Variants in RNMT observed in about 807,000 individuals in gnomAD.
The protein encoded by RNMT is RNA guanine-7 methyltransferase, also known as mRNA cap guanine-N(7) methyltransferase.
In RNMT, 27 loss-of-function variants were observed where a neutral mutation model predicts 56.0. The observed-to-expected ratio is 0.48, with a 90% CI of 0.36 to 0.67. RNMT has a LOEUF of 0.67. Ranked by LOEUF, RNMT falls within the 30% of genes least tolerant of loss-of-function variation. RNMT has a pLI of 0.00. For synonymous variants in RNMT, 184 were observed against 176.2 expected (o/e 1.04, Z -0.35); for missense variants, 519 against 552.1 (o/e 0.94, Z 0.60).
Position 13,760,258 on chromosome 18 carries a change from T to C in RNMT, c.*279T>C. 1 of 1,134,832 alleles carries C rather than the reference T, an allele frequency of 8.8e-7. No individual in the cohort carries two copies. The highest frequency in any genetic ancestry group is 1.1e-6 in the Non-Finnish European group (1 of 925,148). 70.3% of individuals were successfully genotyped at this position (1,134,832 alleles called of 1,614,324 possible). A position where few individuals can be genotyped will look rare whatever the true frequency, so the allele number is the denominator to read the frequency against. ...CCTCTATGATCTTAGCTCATAAAAATATAATATGACTTGATAAAGCAACTA... is the reference window on the plus strand; with the variant it reads ...CCTCTATGATCTTAGCTCATAAAAACATAATATGACTTGATAAAGCAACTA... On this transcript the variant is annotated 3_prime_UTR_variant, in exon 12 of 12. Coordinates refer to ENST00000383314, the MANE Select transcript of RNMT (RefSeq NM_003799.3).
intron 2 of RNMT, 136 bp from the exon 3 acceptor site, chr18:13,731,340 G>A (rs1405647762): frequency 1.8e-5 from 8 of 434,108 alleles, no homozygotes; most frequent in African/African-American, 6.1e-5. Flanking sequence ...CCCCAGAGGC[G>A]GAGCTTGCAG....
rs201093998 is a variant in RNMT, at chr18:13,744,159, C to CTTTTTTTTTTTTTTTTTTT, written c.1139+1515_1139+1533dup. Among the ~76,000 whole-genome samples, 64 of 91,402 alleles carry CTTTTTTTTTTTTTTTTTTT rather than the reference C, an allele frequency of 7.0e-4. 9 individuals are homozygous for CTTTTTTTTTTTTTTTTTTT. Among genetic ancestry groups the CTTTTTTTTTTTTTTTTTTT allele is most frequent in the Non-Finnish European group, 9.0e-4 (41 of 45,810 alleles). The allele number at this position is 91,402 out of a possible 152,430, so 60.0% of individuals were successfully genotyped here. A position where few individuals can be genotyped will look rare whatever the true frequency, so the allele number is the denominator to read the frequency against. ...ATGCTAAACAAGACCTAGCGGTCTTCTTTTTTTTTTTTTTTTTTTTTTTTT... is the reference window on the plus strand; with the variant it reads ...ATGCTAAACAAGACCTAGCGGTCTTCTTTTTTTTTTTTTTTTTTTTTTTTTTTTTTTTTTTTTTTTTTTT... On this transcript the variant is annotated intron_variant, in intron 8 of 11. Coordinates refer to ENST00000383314, the MANE Select transcript of RNMT (RefSeq NM_003799.3).
rs765479640 is a variant in RNMT at position 13,752,328 on chromosome 18, A to G, written c.1260A>G (p.Pro420=). 1.2e-5 allele frequency: 19 copies of G among 1,603,394 alleles called. No individual in the cohort carries two copies. The Middle Eastern group carries it at 1.5e-3, about 125-fold the overall frequency. The change falls in exon 10 of 12, where the codon CCA becomes CCG. Residue 420 remains proline, a splice_region_variant and synonymous_variant. Transcript: ENST00000383314. ...MLLKRMQALE[P]YPANESSKLV... is the part of the protein sequence containing the mutation. ...AGGACTTTCATTTCTTTCCCCAGCCATATCCTGCAAATGAGAGTTCTAAAC... is the reference window on the plus strand; with the variant it reads ...AGGACTTTCATTTCTTTCCCCAGCCGTATCCTGCAAATGAGAGTTCTAAAC...
chr18:13,741,604 A>T lies in RNMT; in HGVS notation c.887A>T (p.Gln296Leu), dbSNP rs2044252285. ...VCHYSFESYE[Q>L]ADMMLRNACE... ...CATTACTCATTTGAGTCTTATGAGC[A>T]GGCTGACATGATGCTGAGAAATGCG... Residue 296 changes from glutamine to leucine, a missense_variant, in exon 7 of 12, where the codon CAG becomes CTG. Gln to Leu is a moderately radical substitution (Grantham distance 113). Coordinates refer to ENST00000383314, the MANE Select transcript of RNMT (RefSeq NM_003799.3). The T allele has an allele frequency of 6.2e-7, 1 of 1,613,904 alleles. No homozygotes were observed. Among genetic ancestry groups the T allele is most frequent in the Non-Finnish European group, 8.5e-7 (1 of 1,179,870 alleles).
In RNMT at chr18:13,763,455, T is replaced by G; in HGVS notation, c.*3476T>G. 1 of 200,662 alleles carries G rather than the reference T, an allele frequency of 5.0e-6. No individual in the cohort carries two copies. The highest frequency in any genetic ancestry group is 1.1e-5 in the Non-Finnish European group (1 of 94,878). 12.4% of individuals were successfully genotyped at this position (200,662 alleles called of 1,614,324 possible). A position where few individuals can be genotyped will look rare whatever the true frequency, so the allele number is the denominator to read the frequency against. On this transcript the variant is annotated 3_prime_UTR_variant, in exon 12 of 12. Transcript: ENST00000383314. ...CAGGACATCCAAGGGTACTCTCCAG[T>G]TTGGCTGTGGAGACTTGAGCAAGCC...
chr18:13,762,267 A>C lies in RNMT; in HGVS notation c.*2288A>C, dbSNP rs2044630150. The stretch of plus-strand genomic sequence containing the variant: ...TGGCTGGATTGTGATTTAACCAAGA[A>C]TGCTGATGTTGAATTCTTTGGGCCT... On this transcript the variant is annotated 3_prime_UTR_variant, in exon 12 of 12. Coordinates refer to ENST00000383314, the MANE Select transcript of RNMT (RefSeq NM_003799.3). 10 of 1,235,794 alleles carry C rather than the reference A, an allele frequency of 8.1e-6. No individual in the cohort carries two copies. The South Asian group carries it at 1.2e-4, about 15-fold the overall frequency. The allele number at this position is 1,235,794 out of a possible 1,614,324, so 76.6% of individuals were successfully genotyped here. A position where few individuals can be genotyped will look rare whatever the true frequency, so the allele number is the denominator to read the frequency against.
chr18:13,755,471 A>G (rs1276860912), intron 11 of RNMT, among the ~76,000 whole-genome samples: 2 of 152,236 alleles, frequency 1.3e-5, no homozygotes, highest in African/African-American at 4.8e-5. Flanking sequence ...CAACTTAGCT[A>G]AGATCACAGA....
chr18:13,762,457 T>G lies in RNMT; in HGVS notation c.*2478T>G. On this transcript the variant is annotated 3_prime_UTR_variant, in exon 12 of 12. Transcript: ENST00000383314. ...CATCAGGCTTGGCCCTGCTGTGCCTTCAGTACCCAGCCAGGTTCTCTGGGT... is the reference window on the plus strand; with the variant it reads ...CATCAGGCTTGGCCCTGCTGTGCCTGCAGTACCCAGCCAGGTTCTCTGGGT... 1 of 292,264 alleles carries G rather than the reference T, an allele frequency of 3.4e-6. No homozygotes were observed. The highest frequency in any genetic ancestry group is 7.9e-5 in the East Asian group (1 of 12,602). 18.1% of individuals were successfully genotyped at this position (292,264 alleles called of 1,614,324 possible).
rs770110359 is a variant in RNMT, at chr18:13,740,180, T to G, written c.693T>G (p.Val231=). 4.4e-6 allele frequency: 7 copies of G among 1,608,650 alleles called. No individual in the cohort carries two copies. The highest frequency in any genetic ancestry group is 6.0e-6 in the Non-Finnish European group (7 of 1,175,396). Residue 231 remains valine (V), a synonymous_variant, in exon 6 of 12, where the codon GTT becomes GTG. Transcript: ENST00000383314. ...CCATCCTTCCAGATATTGCCGATGT[T>G]TCTGTCAAACAGTGTCAGCAGCGGT... ...NKLVCTDIAD[V]SVKQCQQRYE...
chr18:13,754,086 ATTTTCT>A lies in RNMT; in HGVS notation c.1360-21_1360-16del, dbSNP rs768958224. The stretch of plus-strand genomic sequence containing the variant: ...TGTTTACTTCCATATTGAATCTAAA[ATTTTCT>A]TTTTCTCTTTTGTAATTTTAGGGAA... On this transcript the variant is annotated intron_variant, in intron 10 of 11. Coordinates refer to ENST00000383314, the MANE Select transcript of RNMT (RefSeq NM_003799.3). 5 of 1,370,320 alleles carry A rather than the reference ATTTTCT, an allele frequency of 3.6e-6. No homozygotes were observed. The South Asian group carries it at 4.8e-5, about 13-fold the overall frequency. 84.9% of individuals were successfully genotyped at this position (1,370,320 alleles called of 1,614,324 possible). A position where few individuals can be genotyped will look rare whatever the true frequency, so the allele number is the denominator to read the frequency against.
intron 1 of RNMT, among the ~76,000 whole-genome samples, chr18:13,728,065 G>A (rs1224313145): frequency 6.6e-6 from 1 of 152,100 alleles, no homozygotes; most frequent in Non-Finnish European, 1.5e-5. Context: ...TAGATATACT[G>A]ATTTCCCTTC....
intron 9 of RNMT, among the ~76,000 whole-genome samples, chr18:13,751,146 A>C (rs898324764): frequency 1.3e-5 from 2 of 152,278 alleles, no homozygotes; most frequent in African/African-American, 4.8e-5. Context: ...AGATGTACTT[A>C]TGCACAGCAA....
chr18:13,744,686 G>A (rs1039148434), intron 8 of RNMT, among the ~76,000 whole-genome samples: 1 of 152,110 alleles, frequency 6.6e-6, no homozygotes, highest in African/African-American at 2.4e-5. Flanking sequence ...CCTGCCTTAC[G>A]TATACCTCTT....
chr18:13,736,898 A>C, intron 4 of RNMT, 112 bp from the exon 5 acceptor site: 1 of 828,028 alleles, frequency 1.2e-6, no homozygotes, highest in South Asian at 2.1e-5. Context: ...TGGATGTGTA[A>C]TAGTTTATGT....
At chr18:13,737,752 A>C (rs1451461610) in intron 5 of RNMT, among the ~76,000 whole-genome samples, 2 of 152,108 alleles carry the variant, frequency 1.3e-5, no homozygotes, top group African/African-American at 4.8e-5. Flanking sequence ...TCAAATCAGA[A>C]AAACACATTG....
chr18:13,757,292 T>C (rs1316007706), intron 11 of RNMT, among the ~76,000 whole-genome samples: 8 of 152,134 alleles, frequency 5.3e-5, no homozygotes, highest in Admixed American at 5.2e-4. Flanking sequence ...GTTAAGACAA[T>C]GAAGTTTGCC....
chr18:13,743,504 C>T (rs2044293543), intron 8 of RNMT, among the ~76,000 whole-genome samples: 1 of 151,942 alleles, frequency 6.6e-6, no homozygotes, highest in African/African-American at 2.4e-5. Context: ...CTCCCATGTG[C>T]CTGAATTCCT....
intron 9 of RNMT, among the ~76,000 whole-genome samples, chr18:13,751,438 A>G (rs1200538856): frequency 6.6e-6 from 1 of 152,234 alleles, no homozygotes; most frequent in African/African-American, 2.4e-5. Context: ...CGCCAGTTAG[A>G]ATGGCGATCA....
intron 11 of RNMT, among the ~76,000 whole-genome samples, chr18:13,754,830 A>G (rs1209555232): frequency 6.6e-6 from 1 of 152,220 alleles, no homozygotes; most frequent in Non-Finnish European, 1.5e-5. Flanking sequence ...TGAAGGCATA[A>G]TAATACTAGA....
Sources: allele counts gnomAD v4.1 joint callset (sites outside exome capture counted in the v4.1 genomes callset), GRCh38; gene constraint gnomAD v4.1.1; transcripts MANE v1.5; gene names NCBI Gene and HGNC (gene_info 2026-07-23, HGNC 2026-07-21).